SPTY2D1: variants seen among roughly 807,000 people sequenced by gnomAD.
SPTY2D1 encodes the protein protein SPT2 homolog.
SPTY2D1 carries 21 observed loss-of-function variants against 64.0 expected under a neutral mutation model. The ratio of observed to expected loss-of-function variants is 0.33; its 90% confidence interval spans 0.23 to 0.47. SPTY2D1 has a LOEUF of 0.47. Ranked by LOEUF, SPTY2D1 falls within the 20% of genes least tolerant of loss-of-function variation. The pLI is 1.00. For synonymous variants in SPTY2D1, 287 were observed against 286.8 expected, an observed-to-expected ratio of 1.00 and a Z score of -0.01; for missense variants, 724 against 837.2, an observed-to-expected ratio of 0.86 and a Z score of 1.67.
At chr11:18,622,101 A>AAAAAAAAAAAAAAAAC (rs71050618) in intron 1 of SPTY2D1, among the ~76,000 whole-genome samples, 2,532 of 80,846 alleles carry the variant, frequency 0.031, 258 homozygotes, top group Non-Finnish European at 0.05. Flanking sequence ...AAAAAAAAAA[A>AAAAAAAAAAAAAAAAC]AAACCAAAAC....
chr11:18,621,914 C>T (rs1255607758), intron 1 of SPTY2D1, among the ~76,000 whole-genome samples: 1 of 151,662 alleles, frequency 6.6e-6, no homozygotes, highest in Non-Finnish European at 1.5e-5. Flanking sequence ...TAGGGAGACC[C>T]TGTCTCTCCA....
Position 18,615,226 on chromosome 11 carries a change from G to A in SPTY2D1, c.1048C>T (p.His350Tyr). The change falls in exon 3 of 6, where the codon CAT becomes TAT. Residue 350 changes from histidine (H) to tyrosine (Y), a missense_variant. Physicochemically the swap from His to Tyr is moderately conservative, Grantham distance 83. Transcript: ENST00000336349. The stretch of plus-strand genomic sequence containing the variant: ...GTGACCATGGGCCCAGGCCTGGAAT[G>A]GCTAGGATGGGACAGAGATTTTTTG... Reference protein sequence around the residue: ...KAKKSLSHPSHSRPGPMVTPH... With the variant: ...KAKKSLSHPSYSRPGPMVTPH... 6.2e-7 allele frequency: 1 copy of A among 1,614,248 alleles called. No homozygotes were observed. Among genetic ancestry groups the A allele is most frequent in the South Asian group, 1.1e-5 (1 of 91,086 alleles).
intron 1 of SPTY2D1, among the ~76,000 whole-genome samples, chr11:18,625,884 C>T (rs1854489371): frequency 1.3e-5 from 2 of 148,846 alleles, no homozygotes; most frequent in Admixed American, 6.7e-5. Context: ...GGCGTGGTCT[C>T]GGCTCACTGC....
intron 5 of SPTY2D1, among the ~76,000 whole-genome samples, chr11:18,610,772 T>G (rs1006836426): frequency 6.7e-5 from 10 of 149,490 alleles, no homozygotes; most frequent in African/African-American, 2.5e-4. Flanking sequence ...CAAACAGAAA[T>G]CAGAGGAAAT....
In SPTY2D1 at chr11:18,606,668, A is replaced by T. The variant is rs779061503; in HGVS notation, c.*3193T>A. On this transcript the variant is annotated 3_prime_UTR_variant, in exon 6 of 6. Transcript: ENST00000336349. ...CCACTCAGAAAATAAATAGTAGTCT[A>T]ATATATTCAATACATTGAAAATAAA... The T allele has an allele frequency of 2.2e-5, 9 of 402,234 alleles. No homozygotes were observed. The highest frequency in any genetic ancestry group is 6.8e-4 in the Middle Eastern group (2 of 2,944). The allele number at this position is 402,234 out of a possible 1,614,324, so 24.9% of individuals were successfully genotyped here.
chr11:18,612,620 C>T lies in SPTY2D1; in HGVS notation c.1712-132G>A, dbSNP rs1854225112. On this transcript the variant is annotated intron_variant, in intron 3 of 5. Coordinates refer to ENST00000336349, the MANE Select transcript of SPTY2D1 (RefSeq NM_194285.3). The surrounding 1 kb of genome is among the most constrained non-coding windows in gnomAD (Gnocchi z 4.6). The stretch of plus-strand genomic sequence containing the variant: ...AGAGCAAGCAGGCTGGCCCTTAGCG[C>T]AGAGCCATCATCCTTGCTGTGTCAT... 2 of 661,194 alleles carry T rather than the reference C, an allele frequency of 3.0e-6. No individual in the cohort carries two copies. The highest frequency in any genetic ancestry group is 7.3e-5 in the Admixed American group (2 of 27,466). The allele number at this position is 661,194 out of a possible 1,614,324, so 41.0% of individuals were successfully genotyped here.
chr11:18,628,477 C>A (rs1456481544), intron 1 of SPTY2D1, among the ~76,000 whole-genome samples: 1 of 152,150 alleles, frequency 6.6e-6, no homozygotes, highest in African/African-American at 2.4e-5. Context: ...ATAGGGGTAG[C>A]CCAGTGGAGA....
chr11:18,615,372 C>G lies in SPTY2D1; in HGVS notation c.902G>C (p.Arg301Pro). The G allele has an allele frequency of 6.2e-7, 1 of 1,614,228 alleles. No individual in the cohort carries two copies. Among genetic ancestry groups the G allele is most frequent in the Non-Finnish European group, 8.5e-7 (1 of 1,180,042 alleles). ...AAAAACAGGTTTGTCGTGGCCCTCA[C>G]GAAGTGAGGGTTGGGAGCTATTGCC... Reference protein sequence around the residue: ...GSGNSSQPSLREGHDKPVFNG... With the variant: ...GSGNSSQPSLPEGHDKPVFNG... The change falls in exon 3 of 6, where the codon CGT (arginine) becomes CCT (proline). Residue 301 changes from arginine to proline, a missense_variant. Physicochemically the swap from Arg to Pro is moderately radical, Grantham distance 103. Around this residue, in one of 3 missense-constraint regions of SPTY2D1, gnomAD observed 426 missense variants for 431.8 expected, o/e 0.99. Coordinates refer to ENST00000336349, the MANE Select transcript of SPTY2D1 (RefSeq NM_194285.3).
At chr11:18,618,734 G>C (rs933720074) in intron 1 of SPTY2D1, among the ~76,000 whole-genome samples, 2 of 152,294 alleles carry the variant, frequency 1.3e-5, no homozygotes, top group South Asian at 2.1e-4. Context: ...TGAAATTCTT[G>C]GAGGAAAACC....
rs1474587945 is a variant in SPTY2D1, at chr11:18,612,464, G to A, written c.1736C>T (p.Thr579Ile). Residue 579 changes from threonine to isoleucine, a missense_variant, in exon 4 of 6, where the codon ACT (threonine) becomes ATT (isoleucine). Physicochemically the swap from Thr to Ile is moderately conservative, Grantham distance 89. Coordinates refer to ENST00000336349, the MANE Select transcript of SPTY2D1 (RefSeq NM_194285.3). This position sits in a 1 kb window ranked among gnomAD's most constrained non-coding sequence, Gnocchi z 4.6. Reference sequence around the variant, plus strand: ...ATATTCTCGCTGCCTTTTGTAACCAGTAGGGAAGGGAAGCCTTTGAGGACC... The same window carrying A: ...ATATTCTCGCTGCCTTTTGTAACCAATAGGGAAGGGAAGCCTTTGAGGACC... The part of the protein sequence containing the change: ...AQGPQRLPFP[T>I]GYKRQREYEE... The A allele has an allele frequency of 6.2e-7, 1 of 1,603,000 alleles. No individual in the cohort carries two copies. Among genetic ancestry groups the A allele is most frequent in the Non-Finnish European group, 8.5e-7 (1 of 1,175,432 alleles).
chr11:18,617,964 T>C (rs1317312955), intron 1 of SPTY2D1, among the ~76,000 whole-genome samples: 2 of 152,086 alleles, frequency 1.3e-5, no homozygotes, highest in African/African-American at 4.8e-5. Context: ...TATAAGTAAG[T>C]AAGTAAGTAA....
At chr11:18,633,925 C>T (rs939223279) in intron 1 of SPTY2D1, among the ~76,000 whole-genome samples, 1 of 152,218 alleles carries the variant, frequency 6.6e-6, no homozygotes, top group Admixed American at 6.5e-5. Context: ...TCACGGCTTT[C>T]ACGCAATTCT....
intron 1 of SPTY2D1, among the ~76,000 whole-genome samples, chr11:18,624,210 G>GAAA (rs34579834): frequency 1.7e-4 from 24 of 142,026 alleles, no homozygotes; most frequent in African/African-American, 4.0e-4. Flanking sequence ...AAAAAGAGAG[G>GAAA]AAAAAAAAAA....
Position 18,615,448 on chromosome 11 carries a change from C to A in SPTY2D1, c.826G>T (p.Ala276Ser), listed in dbSNP as rs747664214. The A allele has an allele frequency of 6.2e-7, 1 of 1,614,028 alleles. No homozygotes were observed. Among genetic ancestry groups the A allele is most frequent in the East Asian group, 2.2e-5 (1 of 44,882 alleles). ...RPSMANEKHL[A>S]LSSSKSMPGE... ...GGCATGGATTTGGATGAAGACAAAG[C>A]GAGGTGTTTCTCATTGGCCATGCTG... The change falls in exon 3 of 6, where the codon GCT becomes TCT. Residue 276 changes from alanine to serine, a missense_variant. Around this residue, in one of 3 missense-constraint regions of SPTY2D1, gnomAD observed 426 missense variants for 431.8 expected, o/e 0.99. Transcript: ENST00000336349.
In SPTY2D1 at chr11:18,608,502, GAACGTTTATTATTC is replaced by G. The variant is rs1854143694; in HGVS notation, c.*1345_*1358del. The G allele has an allele frequency of 6.6e-6, 1 of 152,178 alleles. No individual in the cohort carries two copies. Among genetic ancestry groups the G allele is most frequent in the African/African-American group, 2.4e-5 (1 of 41,428 alleles). 9.4% of individuals were successfully genotyped at this position (152,178 alleles called of 1,614,324 possible). A position where few individuals can be genotyped will look rare whatever the true frequency, so the allele number is the denominator to read the frequency against. On this transcript the variant is annotated 3_prime_UTR_variant, in exon 6 of 6. Transcript: ENST00000336349. The stretch of plus-strand genomic sequence containing the variant: ...TAAGATAGCCAAAACGTTTATTGTA[GAACGTTTATTATTC>G]CTACAAGCTTATGTCTCACTTCCCC...
rs1241499185 is a variant in SPTY2D1, at chr11:18,608,468, A to G, written c.*1393T>C. On this transcript the variant is annotated 3_prime_UTR_variant, in exon 6 of 6. Coordinates refer to ENST00000336349, the MANE Select transcript of SPTY2D1 (RefSeq NM_194285.3). ...CCTCCTACTTCCTAATCCCCCCCAT[A>G]CAATGGCTTAAGATAGCCAAAACGT... 1.3e-5 allele frequency: 2 copies of G among 152,258 alleles called. No homozygotes were observed. Among genetic ancestry groups the G allele is most frequent in the South Asian group, 2.1e-4 (1 of 4,832 alleles). The allele number at this position is 152,258 out of a possible 1,614,324, so 9.4% of individuals were successfully genotyped here.
At chr11:18,627,776 G>A (rs1854522090) in intron 1 of SPTY2D1, among the ~76,000 whole-genome samples, 2 of 152,312 alleles carry the variant, frequency 1.3e-5, no homozygotes, top group East Asian at 3.9e-4. Context: ...CTACTCGGGA[G>A]GCTGAGGCAG....
At chr11:18,624,145 G>A (rs1854460310) in intron 1 of SPTY2D1, among the ~76,000 whole-genome samples, 1 of 151,310 alleles carries the variant, frequency 6.6e-6, no homozygotes, top group South Asian at 2.1e-4. Context: ...GTGTTGTAAT[G>A]GAATATTTTA....
At chr11:18,625,979 C>T (rs1854491200) in intron 1 of SPTY2D1, among the ~76,000 whole-genome samples, 1 of 152,024 alleles carries the variant, frequency 6.6e-6, no homozygotes, top group Admixed American at 6.6e-5. Flanking sequence ...GCCACCACAC[C>T]CAGGTAATCT....
Sources: allele counts gnomAD v4.1 joint callset (sites outside exome capture counted in the v4.1 genomes callset), GRCh38; gene constraint gnomAD v4.1.1; regional missense constraint gnomAD v4.1.1; non-coding constraint Gnocchi (gnomAD v3.1); transcripts MANE v1.5; gene names NCBI Gene and HGNC (gene_info 2026-07-23, HGNC 2026-07-21).